Variants in KAT6A observed in about 807,000 individuals in gnomAD.
KAT6A encodes lysine acetyltransferase 6A, also known as histone acetyltransferase KAT6A.
In KAT6A, 9 loss-of-function variants were observed where a neutral mutation model predicts 198.4. That is an observed-to-expected ratio of 0.05 (90% CI 0.03 to 0.08). KAT6A has a LOEUF of 0.08. KAT6A is among the 10% of genes least tolerant of loss of function. KAT6A has a pLI of 1.00. For synonymous variants in KAT6A, 890 were observed against 883.0 expected (o/e 1.01, Z -0.14); for missense variants, 2,077 against 2,509.9 (o/e 0.83, Z 3.69).
chr8:41,941,408 C>T lies in KAT6A; in HGVS notation c.2473G>A (p.Asp825Asn). The T allele has an allele frequency of 6.2e-7, 1 of 1,606,678 alleles. No homozygotes were observed. Among genetic ancestry groups the T allele is most frequent in the Non-Finnish European group, 8.5e-7 (1 of 1,179,130 alleles). ...TTTTCACTTTCTACTGAATAAGAAT[C>T]TTGTTCTTTGTTCTCATGAGACACA... ...KSVSHENKEQ[D>N]SYSVESEKKP... is the part of the protein sequence containing the mutation. Residue 825 changes from aspartate (D) to asparagine (N), a missense_variant, in exon 15 of 17, where the codon GAT becomes AAT. By Grantham distance (23) the Asp-to-Asn change is conservative. Transcript: ENST00000265713.
In KAT6A at chr8:41,947,837, G is replaced by C; in HGVS notation, c.1816C>G (p.Leu606Val). Residue 606 changes from leucine (L) to valine (V), a missense_variant, in exon 11 of 17, where the codon CTC (leucine) becomes GTC (valine). This residue lies in a region of KAT6A where 6 missense variants were observed against 35.7 expected (regional missense o/e 0.17). Transcript: ENST00000265713. ...LAKLFLDHKT[L>V]YYDVEPFLFY... ...AGAAATGGCTCCACATCGTAATAGA[G>C]GGTTTTGTGGTCAAGAAACAACTTT... The C allele has an allele frequency of 6.2e-7, 1 of 1,610,492 alleles. No homozygotes were observed. The highest frequency in any genetic ancestry group is 8.5e-7 in the Non-Finnish European group (1 of 1,179,034).
chr8:41,932,689 C>A lies in KAT6A; in HGVS notation c.5531G>T (p.Arg1844Ile), dbSNP rs1258031284. The change falls in exon 17 of 17, where the codon AGA becomes ATA. Residue 1844 changes from arginine (R) to isoleucine (I), a missense_variant. Transcript: ENST00000265713. The part of the protein sequence containing the change: ...ATNIGIPHTQ[R>I]LQGQMPVKGH... ...CTTCACTGGCATTTGCCCTTGCAAT[C>A]TCTGCGTGTGAGGAATGCCAATGTT... 6.2e-7 allele frequency: 1 copy of A among 1,614,242 alleles called. No individual in the cohort carries two copies. Among genetic ancestry groups the A allele is most frequent in the Admixed American group, 1.7e-5 (1 of 60,022 alleles).
Position 42,048,573 on chromosome 8 carries a change from G to A in KAT6A, c.405C>T (p.Phe135=), listed in dbSNP as rs141667008. The change falls in exon 2 of 17, where the codon TTC becomes TTT. Residue 135 remains phenylalanine (F), a synonymous_variant. Coordinates refer to ENST00000265713, the MANE Select transcript of KAT6A (RefSeq NM_006766.5). ...LKGQKDVSAL[F]GGSAASGFHQ... is the part of the protein sequence containing the mutation. ...GAAAGCCAGAGGCAGCACTGCCTCCGAATAATGCAGACACATCCTTCTGAC... is the reference window on the plus strand; with the variant it reads ...GAAAGCCAGAGGCAGCACTGCCTCCAAATAATGCAGACACATCCTTCTGAC... The A allele has an allele frequency of 4.0e-5, 65 of 1,614,156 alleles. No homozygotes were observed. The highest frequency in any genetic ancestry group is 4.5e-5 in the Non-Finnish European group (53 of 1,180,032).
chr8:41,972,668 G>A (rs1473522021), intron 8 of KAT6A, among the ~76,000 whole-genome samples: 2 of 152,202 alleles, frequency 1.3e-5, no homozygotes, highest in African/African-American at 4.8e-5. Context: ...TTCCCAATTG[G>A]AAGGAGACTA....
In KAT6A at chr8:41,933,135, A is replaced by C; in HGVS notation, c.5085T>G (p.Pro1695=). ...PQPQQPPPPP[P]PQQQPPLSQC... ...GTGACAGCGGGGGCTGCTGCTGGGG[A>C]GGGGGTGGGGGTGGAGGCTGCTGGG... Residue 1695 remains proline, a synonymous_variant, in exon 17 of 17, where the codon CCT becomes CCG. Coordinates refer to ENST00000265713, the MANE Select transcript of KAT6A (RefSeq NM_006766.5). This position sits in a 1 kb window ranked among gnomAD's most constrained non-coding sequence, Gnocchi z 6.2. 1 of 188,686 alleles carries C rather than the reference A, an allele frequency of 5.3e-6. No individual in the cohort carries two copies. The highest frequency in any genetic ancestry group is 1.8e-4 in the East Asian group (1 of 5,552). The allele number at this position is 188,686 out of a possible 1,614,324, so 11.7% of individuals were successfully genotyped here.
intron 1 of KAT6A, among the ~76,000 whole-genome samples, chr8:42,049,868 ATTACC>A (rs781485210): frequency 6.6e-6 from 1 of 152,240 alleles, no homozygotes; most frequent in Non-Finnish European, 1.5e-5. Context: ...TAAGTACAGT[ATTACC>A]TTAATCTCTC....
chr8:41,951,663 C>G (rs1022510132), intron 9 of KAT6A, among the ~76,000 whole-genome samples: 2 of 152,102 alleles, frequency 1.3e-5, no homozygotes, highest in Non-Finnish European at 2.9e-5. Context: ...TAACCCAGCC[C>G]ATGGAATCAG....
chr8:41,982,013 T>A, intron 3 of KAT6A, 59 bp from the exon 4 acceptor site: 3 of 960,338 alleles, frequency 3.1e-6, no homozygotes, highest in Non-Finnish European at 3.3e-6. Context: ...GCTATTATAG[T>A]ACTAAAGAAA....
chr8:41,956,980 T>C (rs977240944), intron 8 of KAT6A: 11 of 497,172 alleles, frequency 2.2e-5, no homozygotes, highest in Non-Finnish European at 4.5e-5. Flanking sequence ...AATAACTAAA[T>C]ACCAGAAACC....
At chr8:41,989,523 A>G (rs1824807704) in intron 2 of KAT6A, among the ~76,000 whole-genome samples, 1 of 144,418 alleles carries the variant, frequency 6.9e-6, no homozygotes, top group Non-Finnish European at 1.5e-5. Context: ...AAAATAACAT[A>G]ACGTAACGTG....
chr8:42,006,923 G>A (rs1825778502), intron 2 of KAT6A, among the ~76,000 whole-genome samples: 1 of 148,352 alleles, frequency 6.7e-6, no homozygotes, highest in Non-Finnish European at 1.5e-5. Context: ...TTGAACCCGG[G>A]AGGCAGAGGT....
chr8:41,990,576 A>C (rs1160308170), intron 2 of KAT6A, among the ~76,000 whole-genome samples: 2 of 152,250 alleles, frequency 1.3e-5, no homozygotes, highest in African/African-American at 2.4e-5. Flanking sequence ...CAGAAAATAC[A>C]TGAATAACAC....
intron 2 of KAT6A, among the ~76,000 whole-genome samples, chr8:42,035,778 T>C (rs1827345401): frequency 6.6e-6 from 1 of 152,206 alleles, no homozygotes; most frequent in South Asian, 2.1e-4. Flanking sequence ...ATATAGACTT[T>C]TTTCAAGAAG....
Position 42,048,684 on chromosome 8 carries a change from A to G in KAT6A, c.294T>C (p.Asp98=), listed in dbSNP as rs1330140520. The G allele has an allele frequency of 1.9e-6, 3 of 1,614,150 alleles. No homozygotes were observed. The East Asian group carries it at 6.7e-5, about 36-fold the overall frequency. ...HGKLDNKQNV[D]WNKLIKRAVE... The stretch of plus-strand genomic sequence containing the variant: ...CTGCCCGCTTTATCAGTTTATTCCA[A>G]TCCACATTTTGTTTATTATCCAATT... The change falls in exon 2 of 17, where the codon GAT becomes GAC. Residue 98 remains aspartate, a synonymous_variant. Transcript: ENST00000265713.
intron 1 of KAT6A, among the ~76,000 whole-genome samples, chr8:42,049,981 G>A (rs540844035): frequency 6.6e-6 from 1 of 152,268 alleles, no homozygotes; most frequent in South Asian, 2.1e-4. Flanking sequence ...AGAATTACAT[G>A]CTGATAGCTT....
chr8:42,012,224 C>G (rs753345615), intron 2 of KAT6A, among the ~76,000 whole-genome samples: 10 of 152,138 alleles, frequency 6.6e-5, no homozygotes, highest in Non-Finnish European at 1.5e-4. Flanking sequence ...ATACCATTAC[C>G]ATACAACCCA....
intron 2 of KAT6A, among the ~76,000 whole-genome samples, chr8:42,019,496 A>G (rs1179975218): frequency 6.6e-6 from 1 of 152,228 alleles, no homozygotes; most frequent in East Asian, 1.9e-4. Context: ...ACTAGTTGCT[A>G]TCAAATATAG....
intron 6 of KAT6A, 59 bp downstream of exon 6, chr8:41,978,583 T>C: frequency 6.5e-7 from 1 of 1,546,784 alleles, no homozygotes; most frequent in Non-Finnish European, 8.8e-7. Flanking sequence ...AAGTGAATCC[T>C]ACACTATAGA....
intron 8 of KAT6A, among the ~76,000 whole-genome samples, chr8:41,972,524 C>CT (rs1461679434): frequency 2.6e-5 from 4 of 152,142 alleles, no homozygotes; most frequent in Admixed American, 2.6e-4. Context: ...ATGTGACACA[C>CT]TGAGGAGGAC....
Sources: allele counts gnomAD v4.1 joint callset (sites outside exome capture counted in the v4.1 genomes callset), GRCh38; gene constraint gnomAD v4.1.1; regional missense constraint gnomAD v4.1.1; non-coding constraint Gnocchi (gnomAD v3.1); transcripts MANE v1.5; gene names NCBI Gene and HGNC (gene_info 2026-07-23, HGNC 2026-07-21).